The following SLC8B1 variants were observed in gnomAD, a reference collection of about 807,000 sequenced individuals.
SLC8B1 encodes solute carrier family 8 member B1.
Under a neutral mutation model 63.4 loss-of-function variants are expected in SLC8B1, and 52 were observed. The observed-to-expected ratio is 0.82, with a 90% CI of 0.66 to 1.03. The LOEUF (loss-of-function observed/expected upper bound fraction) is 1.03. Among genes scored for constraint, SLC8B1 ranks in the 50% least tolerant of loss-of-function variants. The pLI, the probability that SLC8B1 is intolerant of heterozygous loss-of-function variation, is 0.00. For missense variants in SLC8B1, 657 were observed against 741.7 expected (o/e 0.89, Z 1.33); for synonymous variants, 336 against 323.9 (o/e 1.04, Z -0.40).
At position 113,334,550 on chromosome 12, in the gene SLC8B1, T is replaced by C. The variant is rs1417522104; in HGVS notation, c.-190A>G. 1 of 152,122 alleles carries C rather than the reference T, an allele frequency of 6.6e-6. No individual in the cohort carries two copies. 9.4% of individuals were successfully genotyped at this position (152,122 alleles called of 1,614,324 possible). On this transcript the variant is annotated 5_prime_UTR_variant, in exon 1 of 16. Transcript: ENST00000680972. Reference sequence around the variant, plus strand: ...CCAAGTTCAAACAGGACACCCCTGGTTTCAAATTCGTCTCGGCCACTTACT... The same window carrying C: ...CCAAGTTCAAACAGGACACCCCTGGCTTCAAATTCGTCTCGGCCACTTACT...
chr12:113,319,340 C>T (rs1204461164), intron 7 of SLC8B1: 2 of 391,582 alleles, frequency 5.1e-6, no homozygotes, highest in Admixed American at 7.6e-5. Flanking sequence ...TACTAAGGGT[C>T]GGTGTCCTGC....
chr12:113,321,644 A>G (rs1470223634), intron 2 of SLC8B1, among the ~76,000 whole-genome samples: 1 of 152,030 alleles, frequency 6.6e-6, no homozygotes, highest in East Asian at 1.9e-4. Context: ...GTCCCACCAT[A>G]ATTAGTTTGA....
intron 8 of SLC8B1, 30 bp downstream of exon 8, chr12:113,318,934 T>C (rs747678656): frequency 3.8e-6 from 6 of 1,576,356 alleles, no homozygotes; most frequent in Non-Finnish European, 8.7e-7. Context: ...TCCCCACTGG[T>C]CCTCTCTGGG....
At chr12:113,316,736 G>T in intron 9 of SLC8B1, 80 bp from the exon 10 acceptor site, 1 of 1,578,046 alleles carries the variant, frequency 6.3e-7, no homozygotes, top group Non-Finnish European at 8.6e-7. Context: ...CATCCCACCA[G>T]TCCTCCCAGC....
intron 2 of SLC8B1, among the ~76,000 whole-genome samples, chr12:113,329,295 ACT>A (rs1957030971): frequency 6.6e-6 from 1 of 152,058 alleles, no homozygotes; most frequent in African/African-American, 2.4e-5. Context: ...GTGGCTCCAA[ACT>A]CAGCTCCGCC....
chr12:113,304,236 G>A (rs1956639431), intron 15 of SLC8B1, 85 bp downstream of exon 15: 2 of 1,319,856 alleles, frequency 1.5e-6, no homozygotes, highest in East Asian at 4.7e-5. Flanking sequence ...ATGGGACCCA[G>A]ATCCAAAGCC....
In SLC8B1 at chr12:113,332,841, C is replaced by T. The variant is rs776575003; in HGVS notation, c.38G>A (p.Ser13Asn). 1 of 1,614,218 alleles carries T rather than the reference C, an allele frequency of 6.2e-7. No homozygotes were observed. Among genetic ancestry groups the T allele is most frequent in the Non-Finnish European group, 8.5e-7 (1 of 1,180,044 alleles). The change falls in exon 2 of 16, where the codon AGT (serine) becomes AAT (asparagine). Residue 13 changes from serine to asparagine, a missense_variant. Physicochemically the swap from Ser to Asn is conservative, Grantham distance 46 (BLOSUM62 1). Transcript: ENST00000680972. Reference protein sequence around the residue: ...GRRLNLRWALSVLCVLLMAET... With the variant: ...GRRLNLRWALNVLCVLLMAET... ...CGCCATTAGCAGCACACAAAGCACA[C>T]TCAGTGCCCAGCGCAGATTCAGCCT...
intron 12 of SLC8B1, among the ~76,000 whole-genome samples, chr12:113,309,091 G>A (rs1480351564): frequency 1.3e-5 from 2 of 152,088 alleles, no homozygotes; most frequent in Non-Finnish European, 2.9e-5. Context: ...CTGACCTCAG[G>A]TGATCCACCC....
At chr12:113,311,179 G>A (rs187504275) in intron 11 of SLC8B1, among the ~76,000 whole-genome samples, 34 of 152,242 alleles carry the variant, frequency 2.2e-4, no homozygotes, top group South Asian at 4.1e-4. Context: ...GGCCGGGCAC[G>A]GTGGCTCACA....
chr12:113,327,654 G>A (rs1309652325), intron 2 of SLC8B1, among the ~76,000 whole-genome samples: 1 of 150,134 alleles, frequency 6.7e-6, no homozygotes, highest in African/African-American at 2.5e-5. Flanking sequence ...TGCACTCTAG[G>A]CTGGGCAACA....
intron 2 of SLC8B1, among the ~76,000 whole-genome samples, chr12:113,325,689 C>T (rs1236447484): frequency 6.6e-6 from 1 of 152,072 alleles, no homozygotes; most frequent in Admixed American, 6.6e-5. Context: ...CTCAGCCTCC[C>T]GAGTAGCTGG....
At chr12:113,310,628 C>A (rs1956744461) in intron 11 of SLC8B1, among the ~76,000 whole-genome samples, 1 of 152,234 alleles carries the variant, frequency 6.6e-6, no homozygotes. Flanking sequence ...CCTCTTCCAC[C>A]TTCATGGCAG....
At chr12:113,301,142 CAAA>C (rs1428679959) in intron 15 of SLC8B1, among the ~76,000 whole-genome samples, 1 of 151,626 alleles carries the variant, frequency 6.6e-6, no homozygotes, top group African/African-American at 2.4e-5. Context: ...TCTCAAAAAA[CAAA>C]AGAAGAAAAA....
intron 15 of SLC8B1, chr12:113,302,376 T>G (rs779700522): frequency 2.9e-4 from 79 of 272,550 alleles, no homozygotes; most frequent in Non-Finnish European, 5.2e-4. Context: ...GAGGTGGCAC[T>G]GCCCGGCTGA....
chr12:113,310,413 A>G, intron 11 of SLC8B1, 58 bp from the exon 12 acceptor site: 2 of 1,578,662 alleles, frequency 1.3e-6, no homozygotes, highest in Non-Finnish European at 1.7e-6. Flanking sequence ...CCCACTTACA[A>G]TGGACTATTT....
Position 113,319,936 on chromosome 12 carries a change from T to C in SLC8B1, c.694+395A>G, listed in dbSNP as rs543397122. 5 of 185,764 alleles carry C rather than the reference T, an allele frequency of 2.7e-5. No homozygotes were observed. In the South Asian group the frequency reaches 3.2e-4, roughly 12 times the overall value. 11.5% of individuals were successfully genotyped at this position (185,764 alleles called of 1,614,324 possible). On this transcript the variant is annotated intron_variant, in intron 7 of 15. Transcript: ENST00000680972. ...TCCAGAGTAGCTGGGGCCACAGGAA[T>C]GCACCACCACCATGCCCAGCTAAGT... is the stretch of plus-strand genomic sequence containing the variant.
In SLC8B1 at chr12:113,318,870, G is replaced by A. The variant is rs1956881299; in HGVS notation, c.802+94C>T. ...CATGAAGAGGAGATGAGCTTGGTGG[G>A]GACAATGGCCTCAGGAGACCCTGGG... On this transcript the variant is annotated intron_variant, in intron 8 of 15. Coordinates refer to ENST00000680972, the MANE Select transcript of SLC8B1 (RefSeq NM_001358345.2). 8.8e-6 allele frequency: 8 copies of A among 913,668 alleles called. No homozygotes were observed. The Admixed American group carries it at 1.4e-4, about 16-fold the overall frequency. The allele number at this position is 913,668 out of a possible 1,614,324, so 56.6% of individuals were successfully genotyped here.
chr12:113,331,259 T>C (rs1474165888), intron 2 of SLC8B1, among the ~76,000 whole-genome samples: 31 of 151,892 alleles, frequency 2.0e-4, no homozygotes, highest in Admixed American at 2.0e-3. Flanking sequence ...TGTGGTGGTG[T>C]GCACCTGTAA....
At chr12:113,315,614 C>CAGAGGCAACCAGGCACT in intron 10 of SLC8B1, 138 bp from the exon 11 acceptor site, 1 of 1,021,680 alleles carries the variant, frequency 9.8e-7, no homozygotes, top group Non-Finnish European at 1.4e-6. Context: ...GGCTAAGTGC[C>CAGAGGCAACCAGGCACT]TGGTTGCCTC....
Sources: allele counts gnomAD v4.1 joint callset (sites outside exome capture counted in the v4.1 genomes callset), GRCh38; gene constraint gnomAD v4.1.1; transcripts MANE v1.5; gene names NCBI Gene and HGNC (gene_info 2026-07-23, HGNC 2026-07-21).